The following STARD13 variants were observed in gnomAD, a reference collection of about 807,000 sequenced individuals.
STARD13 encodes the protein stAR-related lipid transfer protein 13.
In STARD13, 62 loss-of-function variants were observed where a neutral mutation model predicts 106.4. The ratio of observed to expected loss-of-function variants is 0.58; its 90% CI spans 0.48 to 0.72. The LOEUF is 0.72. Ranked by LOEUF, STARD13 falls within the 30% of genes least tolerant of loss-of-function variation. The pLI is 0.00. For missense variants in STARD13, 1,387 were observed against 1,424.0 expected (o/e 0.97, Z 0.42); for synonymous variants, 565 against 553.0 (o/e 1.02, Z -0.31).
At chr13:33,669,528 T>C in the STARD13 span, among the ~76,000 whole-genome samples, 902 of 144,380 alleles carry the variant, frequency 6.2e-3, 7 homozygotes, top group Middle Eastern at 0.021. Context: ...GAAGAGGATG[T>C]TCTTTTTTTT....
At chr13:33,525,798 T>C in the STARD13 span, among the ~76,000 whole-genome samples, 1,606 of 152,212 alleles carry the variant, frequency 0.011, 12 homozygotes, top group South Asian at 0.028. Flanking sequence ...TCAGAGGTTG[T>C]TTTTGGTGGG....
intron 1 of STARD13, among the ~76,000 whole-genome samples, chr13:33,334,370 A>G (rs1431409745): frequency 1.6e-4 from 25 of 152,176 alleles, no homozygotes; most frequent in Admixed American, 1.6e-3. Context: ...GAAAAGGGGG[A>G]AACTTGAAGC....
the STARD13 span, among the ~76,000 whole-genome samples, chr13:33,368,605 A>G: frequency 1.3e-5 from 2 of 152,166 alleles, no homozygotes; most frequent in African/African-American, 4.8e-5. Context: ...CTGGACATCT[A>G]CTATATCCTG....
chr13:33,674,356 T>G, the STARD13 span, among the ~76,000 whole-genome samples: 1 of 152,306 alleles, frequency 6.6e-6, no homozygotes, highest in East Asian at 1.9e-4. Flanking sequence ...CAGCCTTTCA[T>G]TCATTCAATA....
At chr13:33,196,047 G>T (rs911533683) in intron 1 of STARD13, among the ~76,000 whole-genome samples, 3 of 152,188 alleles carry the variant, frequency 2.0e-5, no homozygotes, top group African/African-American at 7.2e-5. Flanking sequence ...TATGAGAAAT[G>T]TTATCTGTGT....
intron 1 of STARD13, among the ~76,000 whole-genome samples, chr13:33,178,676 ATC>A (rs932392515): frequency 1.3e-5 from 2 of 152,210 alleles, no homozygotes; most frequent in African/African-American, 2.4e-5. Context: ...TGTCTTAGGT[ATC>A]TGGAAAGTGG....
Position 33,129,718 on chromosome 13 carries a change from C to G in STARD13, c.959G>C (p.Arg320Thr). The change falls in exon 5 of 14, where the codon AGA (arginine) becomes ACA (threonine). Residue 320 changes from arginine (R) to threonine (T), a missense_variant. Transcript: ENST00000336934. ...CTTGCCAGAGCATGGGAGCCCTTTT[C>G]TGCAGGCAGGTGGCGGCGAATTCTG... ...DLQNSPPPAC[R>T]KGLPCSGKSS... 2 of 1,614,144 alleles carry G rather than the reference C, an allele frequency of 1.2e-6. No individual in the cohort carries two copies. The highest frequency in any genetic ancestry group is 1.7e-6 in the Non-Finnish European group (2 of 1,180,038).
At chr13:33,554,268 T>G in the STARD13 span, among the ~76,000 whole-genome samples, 1 of 152,210 alleles carries the variant, frequency 6.6e-6, no homozygotes, top group African/African-American at 2.4e-5. Flanking sequence ...GGCCCCAATT[T>G]CATAACTTCT....
intron 1 of STARD13, among the ~76,000 whole-genome samples, chr13:33,306,486 TTAAAC>T (rs1379735856): frequency 6.6e-6 from 1 of 152,112 alleles, no homozygotes; most frequent in East Asian, 1.9e-4. Context: ...TGGTATCTAA[TTAAAC>T]TAAAGAGCTT....
the STARD13 span, among the ~76,000 whole-genome samples, chr13:33,544,871 T>A: frequency 6.6e-6 from 1 of 150,976 alleles, no homozygotes; most frequent in Admixed American, 6.6e-5. Context: ...CCTCCCGGGT[T>A]CAAGCGATTC....
At chr13:33,481,413 T>C in the STARD13 span, among the ~76,000 whole-genome samples, 10,558 of 152,234 alleles carry the variant, frequency 0.069, 955 homozygotes, top group African/African-American at 0.21. Flanking sequence ...ATTTGTGAAG[T>C]AGTTTTACCT....
the STARD13 span, among the ~76,000 whole-genome samples, chr13:33,496,522 T>A: frequency 6.6e-6 from 1 of 151,664 alleles, no homozygotes; most frequent in South Asian, 2.1e-4. Context: ...CACTTGATTA[T>A]GCAATTTCTC....
chr13:33,350,330 C>T lies in STARD13; in HGVS notation c.84G>A (p.Trp28Ter). ...CCCGGACGTTCTTCCACAGCAGATC[C>T]CAGGCTCTGGCCGTGGAGTCCCGCA... Residue 28 changes from tryptophan to a stop codon, truncating the protein, a stop_gained, in exon 1 of 2, where the codon TGG becomes TGA. Transcript: ENST00000439831. LOFTEE classifies it low-confidence loss of function (END_TRUNC). The T allele has an allele frequency of 6.5e-7, 1 of 1,534,578 alleles. No homozygotes were observed. Among genetic ancestry groups the T allele is most frequent in the Non-Finnish European group, 8.7e-7 (1 of 1,146,126 alleles).
the STARD13 span, among the ~76,000 whole-genome samples, chr13:33,648,263 T>C: frequency 6.6e-6 from 1 of 152,226 alleles, no homozygotes; most frequent in Non-Finnish European, 1.5e-5. Flanking sequence ...AAACTGAGTC[T>C]CAGAGAAATT....
At chr13:33,491,956 A>G in the STARD13 span, among the ~76,000 whole-genome samples, 1 of 152,172 alleles carries the variant, frequency 6.6e-6, no homozygotes, top group Admixed American at 6.5e-5. Flanking sequence ...GAGTCCGAAA[A>G]GAGAGTCAGG....
the STARD13 span, among the ~76,000 whole-genome samples, chr13:33,546,392 T>C: frequency 6.6e-6 from 1 of 152,196 alleles, no homozygotes; most frequent in African/African-American, 2.4e-5. Context: ...TACTTTTAAT[T>C]TTAGCCTAAT....
the STARD13 span, among the ~76,000 whole-genome samples, chr13:33,462,655 A>G: frequency 6.6e-6 from 1 of 152,210 alleles, no homozygotes; most frequent in Non-Finnish European, 1.5e-5. Flanking sequence ...CCAAAAGCTG[A>G]AGGGCTTGGA....
chr13:33,349,199 C>T (rs1468331024), exon 2 of STARD13: 2 of 702,316 alleles, frequency 2.8e-6, no homozygotes, highest in Non-Finnish European at 5.2e-6. Context: ...TGGTCACTGC[C>T]CAGCTCAAGA....
At chr13:33,516,799 G>T in the STARD13 span, among the ~76,000 whole-genome samples, 1 of 151,960 alleles carries the variant, frequency 6.6e-6, no homozygotes, top group Non-Finnish European at 1.5e-5. Flanking sequence ...TATCAGGCCA[G>T]GCATGGTGCC....
Sources: gnomAD v4.1 joint callset for allele counts (sites outside exome capture counted in the v4.1 genomes callset) on GRCh38, gnomAD v4.1.1 for gene constraint, MANE v1.5 for transcripts, NCBI Gene and HGNC (gene_info 2026-07-23, HGNC 2026-07-21) for gene names.